The following ATG5 variants were observed in gnomAD, a reference collection of about 807,000 sequenced individuals.
ATG5 encodes the protein autophagy protein 5.
In ATG5, 14 loss-of-function variants were observed where a neutral mutation model predicts 36.5. The observed-to-expected ratio is 0.38, with a 90% CI of 0.25 to 0.60. The LOEUF is 0.60. ATG5 is among the 20% of genes least tolerant of loss of function. ATG5 has a pLI of 0.60. For missense variants in ATG5, 195 were observed against 326.7 expected, an observed-to-expected ratio of 0.60 and a Z score of 3.11; for synonymous variants, 95 against 101.5, an observed-to-expected ratio of 0.94 and a Z score of 0.38.
chr6:106,245,062 G>C (rs1582602432), intron 6 of ATG5, among the ~76,000 whole-genome samples: 2 of 152,210 alleles, frequency 1.3e-5, no homozygotes, highest in East Asian at 3.9e-4. Flanking sequence ...CTAGAATACT[G>C]GCTAATATGA....
intron 6 of ATG5, among the ~76,000 whole-genome samples, chr6:106,230,421 C>T (rs563503189): frequency 1.4e-4 from 21 of 152,232 alleles, no homozygotes; most frequent in East Asian, 5.8e-4. Context: ...ATGTTGGGCA[C>T]GCTGGTAAAG....
chr6:106,222,864 T>G (rs1229979751), intron 6 of ATG5, among the ~76,000 whole-genome samples: 2 of 152,280 alleles, frequency 1.3e-5, no homozygotes, highest in African/African-American at 4.8e-5. Flanking sequence ...AATAAATACA[T>G]GTAAAATAAT....
intron 7 of ATG5, 46 bp from the exon 8 acceptor site, chr6:106,186,722 G>A (rs1240201412): frequency 6.3e-7 from 1 of 1,593,542 alleles, no homozygotes; most frequent in African/African-American, 1.4e-5. Context: ...CAAAACAGTT[G>A]AAGAAAAAAT....
At chr6:106,291,269 TACTACATCCAGAA>T (rs1780297256) in intron 4 of ATG5, among the ~76,000 whole-genome samples, 1 of 152,256 alleles carries the variant, frequency 6.6e-6, no homozygotes, top group African/African-American at 2.4e-5. Flanking sequence ...TACTTTGTAC[TACTACATCCAGAA>T]AAGTCTTAAA....
intron 6 of ATG5, among the ~76,000 whole-genome samples, chr6:106,220,400 C>G (rs1344216618): frequency 6.6e-6 from 1 of 151,676 alleles, no homozygotes; most frequent in Non-Finnish European, 1.5e-5. Flanking sequence ...TTTAATAAAA[C>G]CAAAAAACAG....
chr6:106,233,302 A>G (rs150128298), intron 6 of ATG5, among the ~76,000 whole-genome samples: 94 of 152,330 alleles, frequency 6.2e-4, no homozygotes, highest in African/African-American at 2.2e-3. Context: ...TCTGCCAAAT[A>G]TGGATTCCCA....
intron 6 of ATG5, among the ~76,000 whole-genome samples, chr6:106,238,384 T>C (rs892951965): frequency 6.6e-6 from 1 of 152,194 alleles, no homozygotes; most frequent in Non-Finnish European, 1.5e-5. Flanking sequence ...ACCCCAAATA[T>C]TACTGTAACA....
intron 1 of ATG5, among the ~76,000 whole-genome samples, chr6:106,323,736 G>A (rs1771190993): frequency 6.6e-6 from 1 of 152,084 alleles, no homozygotes; most frequent in Non-Finnish European, 1.5e-5. Context: ...TTCTGCACCT[G>A]CTGCATACAG....
chr6:106,311,943 G>A (rs561234688), intron 2 of ATG5, among the ~76,000 whole-genome samples: 1 of 151,356 alleles, frequency 6.6e-6, no homozygotes, highest in Admixed American at 6.6e-5. Context: ...TGATTCTCCT[G>A]CCTCAGTCTC....
chr6:106,238,156 A>G (rs1777969475), intron 6 of ATG5, among the ~76,000 whole-genome samples: 1 of 152,158 alleles, frequency 6.6e-6, no homozygotes, highest in Admixed American at 6.5e-5. Flanking sequence ...TACAAATCAT[A>G]TTTTTAAAAC....
intron 6 of ATG5, among the ~76,000 whole-genome samples, chr6:106,235,079 G>C (rs780174320): frequency 3.3e-5 from 5 of 152,172 alleles, no homozygotes; most frequent in Non-Finnish European, 5.9e-5. Flanking sequence ...ATACAACGTA[G>C]AACAGAGGAG....
At chr6:106,192,744 A>G (rs1776014384) in intron 7 of ATG5, among the ~76,000 whole-genome samples, 1 of 152,222 alleles carries the variant, frequency 6.6e-6, no homozygotes, top group African/African-American at 2.4e-5. Flanking sequence ...TACTGAAGGT[A>G]AAATTTCTGA....
chr6:106,309,532 A>G (rs1176509767), intron 2 of ATG5, among the ~76,000 whole-genome samples: 16 of 152,102 alleles, frequency 1.1e-4, no homozygotes, highest in Admixed American at 7.2e-4. Flanking sequence ...TCAACAGAAT[A>G]TAAGTTATTC....
intron 5 of ATG5, among the ~76,000 whole-genome samples, chr6:106,248,797 G>T (rs1001851990): frequency 6.6e-6 from 1 of 152,096 alleles, no homozygotes; most frequent in African/African-American, 2.4e-5. Context: ...AATTAGCCAG[G>T]CGTGGTGGTG....
intron 5 of ATG5, 34 bp downstream of exon 5, chr6:106,279,627 G>C: frequency 7.2e-7 from 1 of 1,396,572 alleles, no homozygotes; most frequent in Non-Finnish European, 9.5e-7. Flanking sequence ...ATTTTATAAA[G>C]TGGTATTCTA....
At chr6:106,267,318 C>A (rs1035029363) in intron 5 of ATG5, among the ~76,000 whole-genome samples, 6 of 152,148 alleles carry the variant, frequency 3.9e-5, no homozygotes, top group Non-Finnish European at 8.8e-5. Flanking sequence ...GAACTACAAA[C>A]CACTGCTCAA....
At chr6:106,275,370 A>G (rs943603522) in intron 5 of ATG5, among the ~76,000 whole-genome samples, 3 of 152,132 alleles carry the variant, frequency 2.0e-5, no homozygotes, top group African/African-American at 7.2e-5. Context: ...TCCACAGCAT[A>G]CCTCTCATTA....
chr6:106,299,544 T>G (rs771332413), intron 3 of ATG5, among the ~76,000 whole-genome samples: 2 of 152,226 alleles, frequency 1.3e-5, no homozygotes, highest in Non-Finnish European at 2.9e-5. Context: ...AGAACAGTAT[T>G]AGGTCTATTT....
intron 5 of ATG5, among the ~76,000 whole-genome samples, chr6:106,263,228 G>C (rs911169016): frequency 6.6e-6 from 1 of 152,188 alleles, no homozygotes; most frequent in Non-Finnish European, 1.5e-5. Flanking sequence ...GAGTCTGGGA[G>C]GTCTGGACTG....
Sources: allele counts gnomAD v4.1 joint callset (sites outside exome capture counted in the v4.1 genomes callset), GRCh38; gene constraint gnomAD v4.1.1; transcripts MANE v1.5; gene names NCBI Gene and HGNC (gene_info 2026-07-23, HGNC 2026-07-21).